Variants in GRIK5 observed in about 807,000 individuals in gnomAD.
The protein encoded by GRIK5 is glutamate receptor ionotropic, kainate 5.
Under a neutral mutation model 97.4 loss-of-function variants are expected in GRIK5, and 43 were observed. That is an observed-to-expected ratio of 0.44 (90% CI 0.35 to 0.57). The LOEUF (loss-of-function observed/expected upper bound fraction) is 0.57, where lower values mean the gene tolerates loss of function less well. Ranked by LOEUF, GRIK5 falls within the 20% of genes least tolerant of loss-of-function variation. The pLI, the probability that GRIK5 is intolerant of heterozygous loss-of-function variation, is 0.01. For missense variants in GRIK5, 1,015 were observed against 1,382.0 expected (o/e 0.73, Z 4.21); for synonymous variants, 580 against 583.5 (o/e 0.99, Z 0.09).
chr19:42,065,199 C>A lies in GRIK5; in HGVS notation c.244+24G>T. 1.3e-6 allele frequency: 2 copies of A among 1,595,204 alleles called. No individual in the cohort carries two copies. The highest frequency in any genetic ancestry group is 2.2e-5 in the South Asian group (2 of 89,392). The stretch of plus-strand genomic sequence containing the variant: ...GGCCACCGACCTGCCCTGCCTCACC[C>A]CACGCCCCCATGGCCCCGCTCACTG... On this transcript the variant is annotated intron_variant, in intron 3 of 19. Transcript: ENST00000593562. This position sits in a 1 kb window ranked among gnomAD's most constrained non-coding sequence, Gnocchi z 5.8.
chr19:41,999,273 C>G lies in GRIK5; in HGVS notation c.2541G>C (p.Gln847His), dbSNP rs1274289233. 2 of 1,525,824 alleles carry G rather than the reference C, an allele frequency of 1.3e-6. No homozygotes were observed. Among genetic ancestry groups the G allele is most frequent in the East Asian group, 2.6e-5 (1 of 39,198 alleles). 94.5% of individuals were successfully genotyped at this position (1,525,824 alleles called of 1,614,324 possible). A position where few individuals can be genotyped will look rare whatever the true frequency, so the allele number is the denominator to read the frequency against. The change falls in exon 20 of 20, where the codon CAG becomes CAC. Residue 847 changes from glutamine to histidine, a missense_variant. This residue lies in a region of GRIK5 where 229 missense variants were observed against 341.0 expected (regional missense o/e 0.67). Transcript: ENST00000593562. This position sits in a 1 kb window ranked among gnomAD's most constrained non-coding sequence, Gnocchi z 5.0. Reference sequence around the variant, plus strand: ...GGCAAGAAACGGCGTGGCGCAGCTCCTGCAGCATCTCCTGGCACACCGACA... The same window carrying G: ...GGCAAGAAACGGCGTGGCGCAGCTCGTGCAGCATCTCCTGGCACACCGACA... Reference protein sequence around the residue: ...EEVSVCQEMLQELRHAVSCRK... With the variant: ...EEVSVCQEMLHELRHAVSCRK...
At position 42,022,905 on chromosome 19, in the gene GRIK5, G is replaced by A. The variant is rs1270333460; in HGVS notation, c.1474-551C>T. 6.6e-6 allele frequency among the ~76,000 whole-genome samples: 1 copy of A among 152,032 alleles called. No individual in the cohort carries two copies. The highest frequency in any genetic ancestry group is 2.4e-5 in the African/African-American group (1 of 41,376). On this transcript the variant is annotated intron_variant, in intron 12 of 19. Transcript: ENST00000593562. The surrounding 1 kb of genome is among the most constrained non-coding windows in gnomAD (Gnocchi z 4.2). ...GGGCACAAGCCCCAAACAGCATCCT[G>A]GTCAGGAGACGACACTGGTACCAAA... is the stretch of plus-strand genomic sequence containing the variant.
At chr19:42,017,358 C>T (rs546165834) in intron 15 of GRIK5, among the ~76,000 whole-genome samples, 1 of 152,336 alleles carries the variant, frequency 6.6e-6, no homozygotes, top group South Asian at 2.1e-4. Context: ...TATTGGAAGT[C>T]ACTTCCCTGC....
chr19:42,014,148 C>T (rs899418399), intron 15 of GRIK5, among the ~76,000 whole-genome samples: 2 of 151,758 alleles, frequency 1.3e-5, no homozygotes, highest in Admixed American at 1.3e-4. Context: ...AATCCCAGCA[C>T]TTTGGGAGTC....
Position 42,065,812 on chromosome 19 carries a change from A to G in GRIK5, c.-42T>C. On this transcript the variant is annotated 5_prime_UTR_variant, in exon 2 of 20. Coordinates refer to ENST00000593562, the MANE Select transcript of GRIK5 (RefSeq NM_002088.5). This position sits in a 1 kb window ranked among gnomAD's most constrained non-coding sequence, Gnocchi z 5.8. Reference sequence around the variant, plus strand: ...TGGGGACGCAGCTGCCGCGGCCCCCACTCGCCACCTGCAGGGAGACCCCCC... The same window carrying G: ...TGGGGACGCAGCTGCCGCGGCCCCCGCTCGCCACCTGCAGGGAGACCCCCC... The G allele has an allele frequency of 6.8e-7, 1 of 1,476,094 alleles. No individual in the cohort carries two copies. Among genetic ancestry groups the G allele is most frequent in the South Asian group, 1.2e-5 (1 of 82,800 alleles). 91.4% of individuals were successfully genotyped at this position (1,476,094 alleles called of 1,614,324 possible). A position where few individuals can be genotyped will look rare whatever the true frequency, so the allele number is the denominator to read the frequency against.
chr19:42,022,560 A>G lies in GRIK5; in HGVS notation c.1474-206T>C. 2.0e-6 allele frequency: 2 copies of G among 985,174 alleles called. No individual in the cohort carries two copies. Among genetic ancestry groups the G allele is most frequent in the African/African-American group, 3.5e-5 (2 of 57,252 alleles). The allele number at this position is 985,174 out of a possible 1,614,324, so 61.0% of individuals were successfully genotyped here. A position where few individuals can be genotyped will look rare whatever the true frequency, so the allele number is the denominator to read the frequency against. ...CCCTCATCGCATGTCCATCCTCATC[A>G]TCTCACGTCTCCAGACACACTGACT... On this transcript the variant is annotated intron_variant, in intron 12 of 19. Coordinates refer to ENST00000593562, the MANE Select transcript of GRIK5 (RefSeq NM_002088.5). This position sits in a 1 kb window ranked among gnomAD's most constrained non-coding sequence, Gnocchi z 4.2.
chr19:42,023,421 A>G (rs2075727674), intron 12 of GRIK5, among the ~76,000 whole-genome samples: 1 of 152,166 alleles, frequency 6.6e-6, no homozygotes, highest in African/African-American at 2.4e-5. Flanking sequence ...TAATACGTGA[A>G]TTGTCGTGGA....
At chr19:42,067,771 C>CT (rs2146195407) in intron 1 of GRIK5, among the ~76,000 whole-genome samples, 1 of 152,170 alleles carries the variant, frequency 6.6e-6, no homozygotes, top group South Asian at 2.1e-4. Flanking sequence ...GGAACTGAGG[C>CT]TAAGTGAGAG....
At position 42,065,089 on chromosome 19, in the gene GRIK5, C is replaced by T. The variant is rs1222290718; in HGVS notation, c.244+134G>A. The T allele has an allele frequency of 3.9e-6, 3 of 763,580 alleles. No individual in the cohort carries two copies. Among genetic ancestry groups the T allele is most frequent in the Non-Finnish European group, 6.2e-6 (3 of 483,480 alleles). The allele number at this position is 763,580 out of a possible 1,614,324, so 47.3% of individuals were successfully genotyped here. On this transcript the variant is annotated intron_variant, in intron 3 of 19. Transcript: ENST00000593562. The surrounding 1 kb of genome is among the most constrained non-coding windows in gnomAD (Gnocchi z 5.8). Reference sequence around the variant, plus strand: ...GCAGCAGCCATGTCTGGGAAGAAGGCAGAGACAAACACAAAGAAGGGGGAG... The same window carrying T: ...GCAGCAGCCATGTCTGGGAAGAAGGTAGAGACAAACACAAAGAAGGGGGAG...
chr19:42,019,986 G>T (rs1302752399), intron 15 of GRIK5, among the ~76,000 whole-genome samples: 6 of 149,340 alleles, frequency 4.0e-5, no homozygotes, highest in Admixed American at 1.3e-4. Flanking sequence ...TTTTTTTGGG[G>T]GTTTTTTTTT....
chr19:42,009,279 C>T (rs2075530238), intron 15 of GRIK5, among the ~76,000 whole-genome samples: 1 of 152,018 alleles, frequency 6.6e-6, no homozygotes, highest in Admixed American at 6.5e-5. Context: ...CGCTCTGTCC[C>T]AAGCTGAAGC....
Position 42,065,981 on chromosome 19 carries a change from G to A in GRIK5, c.-50-161C>T, listed in dbSNP as rs1481751123. ...GCTCTGTTTAGAAGCTGGCAATACTGAGGGCATTGCAAGAAGGGAAGCTCA... is the reference window on the plus strand; with the variant it reads ...GCTCTGTTTAGAAGCTGGCAATACTAAGGGCATTGCAAGAAGGGAAGCTCA... On this transcript the variant is annotated intron_variant, in intron 1 of 19. Coordinates refer to ENST00000593562, the MANE Select transcript of GRIK5 (RefSeq NM_002088.5). The surrounding 1 kb of genome is among the most constrained non-coding windows in gnomAD (Gnocchi z 5.8). Among the ~76,000 whole-genome samples the A allele has an allele frequency of 6.6e-6, 1 of 152,168 alleles. No individual in the cohort carries two copies. The highest frequency in any genetic ancestry group is 1.5e-5 in the Non-Finnish European group (1 of 68,028).
At chr19:42,017,093 G>A (rs1330293489) in intron 15 of GRIK5, among the ~76,000 whole-genome samples, 1 of 152,202 alleles carries the variant, frequency 6.6e-6, no homozygotes, top group Non-Finnish European at 1.5e-5. Context: ...AACTCCACTC[G>A]AACTCAAGAC....
At chr19:42,051,211 C>T (rs1448048201) in intron 11 of GRIK5, among the ~76,000 whole-genome samples, 2 of 152,042 alleles carry the variant, frequency 1.3e-5, no homozygotes, top group Admixed American at 6.5e-5. Flanking sequence ...CTGAGGAGGG[C>T]GGGCCTATGC....
intron 3 of GRIK5, chr19:42,063,561 A>G: frequency 9.2e-6 from 3 of 327,812 alleles, no homozygotes; most frequent in Non-Finnish European, 1.8e-5. Context: ...AAATCAGACC[A>G]TGGAGCACCT....
At position 42,056,645 on chromosome 19, in the gene GRIK5, G is replaced by C; in HGVS notation, c.903+17C>G. 6.2e-7 allele frequency: 1 copy of C among 1,611,184 alleles called. No homozygotes were observed. Among genetic ancestry groups the C allele is most frequent in the South Asian group, 1.1e-5 (1 of 90,954 alleles). On this transcript the variant is annotated intron_variant, in intron 8 of 19. Transcript: ENST00000593562. ...TGCAGAGTGTTTCTGGGTGTGACTG[G>C]GTATCTGTGTGCTCACCGCAGGGCC...
rs143164575 is a variant in GRIK5 at position 42,042,705 on chromosome 19, G to A, written c.1320C>T (p.Asn440=). 5.2e-5 allele frequency: 84 copies of A among 1,613,718 alleles called. No homozygotes were observed. The highest frequency in any genetic ancestry group is 3.6e-4 in the South Asian group (33 of 91,078). The stretch of plus-strand genomic sequence containing the variant: ...CCACGCAGAAGCCCTCGAAGCGTTC[G>A]TTCCCCGACAGGGCCTGGAAGTTGG... ...RRPNFQALSG[N]ERFEGFCVDM... is the part of the protein sequence containing the mutation. Residue 440 remains asparagine, a synonymous_variant, in exon 12 of 20, where the codon AAC becomes AAT. Transcript: ENST00000593562. The surrounding 1 kb of genome is among the most constrained non-coding windows in gnomAD (Gnocchi z 6.9).
chr19:42,062,686 G>A lies in GRIK5; in HGVS notation c.343-33C>T. On this transcript the variant is annotated intron_variant, in intron 4 of 19. Transcript: ENST00000593562. The surrounding 1 kb of genome is among the most constrained non-coding windows in gnomAD (Gnocchi z 5.3). The stretch of plus-strand genomic sequence containing the variant: ...GAGAGGAAACTTTGGCCTCCATCCT[G>A]CTTCTCCGCCCAGCCCTCGCCTCCC... The A allele has an allele frequency of 6.2e-7, 1 of 1,613,620 alleles. No individual in the cohort carries two copies. The highest frequency in any genetic ancestry group is 2.2e-5 in the East Asian group (1 of 44,864).
intron 12 of GRIK5, among the ~76,000 whole-genome samples, chr19:42,028,520 T>C (rs1213696054): frequency 6.6e-6 from 1 of 152,176 alleles, no homozygotes; most frequent in African/African-American, 2.4e-5. Context: ...CATCGTTTCT[T>C]CTCCTGGCAG....
Sources: gnomAD v4.1 joint callset for allele counts (sites outside exome capture counted in the v4.1 genomes callset) on GRCh38, gnomAD v4.1.1 for gene constraint, gnomAD v4.1.1 regional missense constraint, Gnocchi (gnomAD v3.1) non-coding constraint, MANE v1.5 for transcripts, NCBI Gene and HGNC (gene_info 2026-07-23, HGNC 2026-07-21) for gene names.